Variants in DPP10 observed in about 807,000 individuals in gnomAD.
DPP10 encodes the protein inactive dipeptidyl peptidase 10.
A neutral mutation model predicts 120.9 loss-of-function variants in DPP10; 33 were observed. The observed-to-expected ratio is 0.27, with a 90% CI of 0.21 to 0.37. DPP10 has a LOEUF of 0.37. Among genes scored for constraint, DPP10 ranks in the 10% least tolerant of loss-of-function variants. The pLI is 1.00. For missense variants in DPP10, 816 were observed against 942.8 expected (o/e 0.87, Z 1.76); for synonymous variants, 337 against 326.1 (o/e 1.03, Z -0.36).
At chr2:115,815,189 C>T (rs1029306780) in intron 20 of DPP10, among the ~76,000 whole-genome samples, 4 of 152,130 alleles carry the variant, frequency 2.6e-5, no homozygotes, top group Middle Eastern at 3.4e-3. Flanking sequence ...CATATTTCCC[C>T]TCTGGAATTA....
chr2:115,388,265 G>C (rs188103372), intron 3 of DPP10, among the ~76,000 whole-genome samples: 62 of 152,330 alleles, frequency 4.1e-4, no homozygotes, highest in East Asian at 3.9e-4. Context: ...CAAAGAGGTA[G>C]ATAGGTGCCA....
chr2:115,196,970 A>G (rs926369350), intron 1 of DPP10, among the ~76,000 whole-genome samples: 6 of 152,240 alleles, frequency 3.9e-5, no homozygotes, highest in African/African-American at 1.4e-4. Context: ...CTTAAATTGC[A>G]TCTTGAAAAT....
intron 4 of DPP10, among the ~76,000 whole-genome samples, chr2:115,507,022 A>ACGCACG (rs1445573542): frequency 9.3e-5 from 13 of 139,050 alleles, no homozygotes; most frequent in African/African-American, 3.4e-4. Flanking sequence ...TGCATTACAC[A>ACGCACG]CACACGCACG....
chr2:115,048,075 G>A (rs1180409601), intron 1 of DPP10, among the ~76,000 whole-genome samples: 2 of 152,082 alleles, frequency 1.3e-5, no homozygotes, highest in African/African-American at 4.8e-5. Flanking sequence ...GTAAAGTCAT[G>A]GAGGACTGGA....
intron 1 of DPP10, among the ~76,000 whole-genome samples, chr2:115,205,410 G>A (rs564484291): frequency 3.3e-5 from 5 of 152,146 alleles, no homozygotes; most frequent in South Asian, 4.2e-4. Flanking sequence ...TTAGGTGTGC[G>A]GTGCGGCTTC....
At chr2:115,296,704 T>C (rs1336818715) in intron 1 of DPP10, among the ~76,000 whole-genome samples, 1 of 152,112 alleles carries the variant, frequency 6.6e-6, no homozygotes, top group African/African-American at 2.4e-5. Context: ...TTTAAAAATA[T>C]AATTTTCTCT....
chr2:114,834,735 G>A (rs74182887), intron 1 of DPP10, among the ~76,000 whole-genome samples: 6,305 of 31,722 alleles, frequency 0.2, 888 homozygotes, highest in Middle Eastern at 0.38. Context: ...CCATGTCTAC[G>A]CACCTATGTA....
At chr2:114,564,508 AT>A (rs1282781675) in intron 1 of DPP10, among the ~76,000 whole-genome samples, 19 of 152,190 alleles carry the variant, frequency 1.2e-4, no homozygotes, top group Non-Finnish European at 2.4e-4. Flanking sequence ...GAAACTATAT[AT>A]TCCATGATAT....
intron 1 of DPP10, among the ~76,000 whole-genome samples, chr2:115,290,186 A>G (rs918059457): frequency 2.6e-5 from 4 of 152,138 alleles, no homozygotes; most frequent in African/African-American, 7.2e-5. Flanking sequence ...AAAGCAGGCA[A>G]GTGATATGTA....
At chr2:114,532,309 A>ACC (rs1686084318) in intron 1 of DPP10, among the ~76,000 whole-genome samples, 1 of 141,852 alleles carries the variant, frequency 7.0e-6, no homozygotes, top group Admixed American at 7.1e-5. Context: ...ACACACACAC[A>ACC]CACACACAGA....
chr2:114,585,366 A>G (rs1426006247), intron 1 of DPP10, among the ~76,000 whole-genome samples: 2 of 152,102 alleles, frequency 1.3e-5, no homozygotes, highest in Non-Finnish European at 2.9e-5. Context: ...ACTCGCTTTG[A>G]TTGACTTATC....
At chr2:115,394,815 C>T (rs2067567074) in intron 3 of DPP10, among the ~76,000 whole-genome samples, 1 of 152,016 alleles carries the variant, frequency 6.6e-6, no homozygotes. Context: ...TTTAATAGTA[C>T]ATTTATCTTT....
At chr2:114,536,408 C>CTTTTTTTTTT (rs70937287) in intron 1 of DPP10, among the ~76,000 whole-genome samples, 5 of 128,730 alleles carry the variant, frequency 3.9e-5, no homozygotes, top group South Asian at 2.5e-4. Flanking sequence ...TTTTCTTTTT[C>CTTTTTTTTTT]TTTTTTTTTT....
intron 5 of DPP10, among the ~76,000 whole-genome samples, chr2:115,648,959 G>C (rs1389223929): frequency 6.6e-6 from 1 of 152,112 alleles, no homozygotes; most frequent in African/African-American, 2.4e-5. Context: ...CAGTAATAAA[G>C]ACCAGGTGGC....
intron 1 of DPP10, among the ~76,000 whole-genome samples, chr2:114,531,875 T>C (rs961333534): frequency 2.6e-5 from 4 of 152,020 alleles, no homozygotes; most frequent in African/African-American, 9.7e-5. Context: ...TGAAACACTA[T>C]TTCTGGGTGT....
intron 1 of DPP10, among the ~76,000 whole-genome samples, chr2:115,133,238 G>A (rs2050475881): frequency 7.0e-6 from 1 of 143,616 alleles, no homozygotes; most frequent in African/African-American, 2.6e-5. Flanking sequence ...GAGTGCAGTG[G>A]TGAAATCTCG....
intron 1 of DPP10, among the ~76,000 whole-genome samples, chr2:114,781,176 G>A (rs1291536912): frequency 6.6e-6 from 1 of 152,108 alleles, no homozygotes; most frequent in East Asian, 1.9e-4. Context: ...ATAGATCCTA[G>A]GAACTTCCAT....
chr2:115,506,192 C>CCTT (rs1213992342), intron 4 of DPP10, among the ~76,000 whole-genome samples: 1 of 151,974 alleles, frequency 6.6e-6, no homozygotes. Context: ...CTTCTGCAGC[C>CCTT]CTTCCACACT....
intron 5 of DPP10, among the ~76,000 whole-genome samples, chr2:115,529,738 C>A (rs1003203175): frequency 6.6e-6 from 1 of 152,006 alleles, no homozygotes. Context: ...TGATTTCTAT[C>A]TAGAAGAACA....
Sources: allele counts gnomAD v4.1 joint callset (sites outside exome capture counted in the v4.1 genomes callset), GRCh38; gene constraint gnomAD v4.1.1; transcripts MANE v1.5; gene names NCBI Gene and HGNC (gene_info 2026-07-23, HGNC 2026-07-21).